Variants in COL6A2 observed in about 807,000 individuals in gnomAD.
COL6A2 encodes collagen alpha-2(VI) chain.
A neutral mutation model predicts 124.9 loss-of-function variants in COL6A2; 90 were observed. The ratio of observed to expected loss-of-function variants is 0.72; its 90% CI spans 0.61 to 0.86. The LOEUF is 0.86. Ranked by LOEUF, COL6A2 falls within the 40% of genes least tolerant of loss-of-function variation. The pLI is 0.00. For missense variants in COL6A2, 1,607 were observed against 1,502.5 expected, an observed-to-expected ratio of 1.07 and a Z score of -1.15; for synonymous variants, 793 against 618.2, an observed-to-expected ratio of 1.28 and a Z score of -4.19.
Position 46,125,309 on chromosome 21 carries a change from G to A in COL6A2, c.1814G>A (p.Cys605Tyr), listed in dbSNP as rs754625748. 3 of 1,611,058 alleles carry A rather than the reference G, an allele frequency of 1.9e-6. No homozygotes were observed. The highest frequency in any genetic ancestry group is 3.3e-5 in the Admixed American group (2 of 59,870). The stretch of plus-strand genomic sequence containing the variant: ...TACGTGAGGGAGACCTGCGGGTGCT[G>A]CGGTGAGGCACTGCCCACGGCAGGG... Reference protein sequence around the residue: ...MTYVRETCGCCDCEKRCGALD... With the variant: ...MTYVRETCGCYDCEKRCGALD... Residue 605 changes from cysteine to tyrosine, a missense_variant and splice_region_variant, in exon 24 of 28, where the codon TGC becomes TAC. Transcript: ENST00000300527.
At chr21:46,107,624 AG>A (rs1368647003) in intron 1 of COL6A2, among the ~76,000 whole-genome samples, 2 of 152,182 alleles carry the variant, frequency 1.3e-5, no homozygotes. Context: ...ATTGTCTCTA[AG>A]GGCAGCCACT....
chr21:46,098,485 G>C (rs1227769153), intron 1 of COL6A2, among the ~76,000 whole-genome samples: 1 of 151,702 alleles, frequency 6.6e-6, no homozygotes, highest in Non-Finnish European at 1.5e-5. Flanking sequence ...GCCCGAGCTC[G>C]GTGCTGGGAC....
chr21:46,121,318 C>T (rs2078562718), intron 17 of COL6A2, among the ~76,000 whole-genome samples, 195 bp downstream of exon 17: 1 of 152,174 alleles, frequency 6.6e-6, no homozygotes, highest in African/African-American at 2.4e-5. Flanking sequence ...CCCCATCCTG[C>T]CCTGAAGGAC....
chr21:46,129,363 A>C, intron 27 of COL6A2: 1 of 1,612,844 alleles, frequency 6.2e-7, no homozygotes, highest in Non-Finnish European at 8.5e-7. Flanking sequence ...GCTGGTCTAC[A>C]CCGCCGAGCG....
rs577166486 is a variant in COL6A2 at position 46,121,311 on chromosome 21, C to G, written c.1458+188C>G. ...ATACCCACCCTCAGCCCCAGCCCCCCATCCTGCCCTGAAGGACCCAGGTTG... is the reference window on the plus strand; with the variant it reads ...ATACCCACCCTCAGCCCCAGCCCCCGATCCTGCCCTGAAGGACCCAGGTTG... On this transcript the variant is annotated intron_variant, in intron 17 of 27. Transcript: ENST00000300527. Among the ~76,000 whole-genome samples the G allele has an allele frequency of 4.6e-5, 7 of 152,324 alleles. No homozygotes were observed. The South Asian group carries it at 1.5e-3, about 32-fold the overall frequency.
At chr21:46,129,002 T>C (rs2078718415) in intron 27 of COL6A2, 4 of 1,606,054 alleles carry the variant, frequency 2.5e-6, no homozygotes, top group Admixed American at 1.7e-5. Context: ...GCCAGCTTCC[T>C]GTCCCTGTGC....
In COL6A2 at chr21:46,119,861, G is replaced by T. The variant is rs915604664; in HGVS notation, c.1332+11G>T. ...CCCAAGGGGGAGAAGGTGAGTCCTC[G>T]TGTGGAGGCAGCCCAGGGTCTCACT... On this transcript the variant is annotated intron_variant, in intron 15 of 27. Coordinates refer to ENST00000300527, the MANE Select transcript of COL6A2 (RefSeq NM_001849.4). The T allele has an allele frequency of 6.4e-7, 1 of 1,555,866 alleles. No homozygotes were observed. The highest frequency in any genetic ancestry group is 1.9e-5 in the Admixed American group (1 of 51,306).
At chr21:46,111,920 CG>C in intron 2 of COL6A2, 58 bp from the exon 3 acceptor site, 1 of 1,538,694 alleles carries the variant, frequency 6.5e-7, no homozygotes. Context: ...GGCCAGGAAA[CG>C]GGGCTCCAAC....
rs59060956 is a variant in COL6A2 at position 46,116,926 on chromosome 21, TACACACACACAC to T, written c.999+131_999+142del. 1.9e-4 allele frequency: 121 copies of T among 639,334 alleles called. No individual in the cohort carries two copies. Among genetic ancestry groups the T allele is most frequent in the Non-Finnish European group, 2.4e-4 (88 of 363,188 alleles). The allele number at this position is 639,334 out of a possible 1,614,324, so 39.6% of individuals were successfully genotyped here. A position where few individuals can be genotyped will look rare whatever the true frequency, so the allele number is the denominator to read the frequency against. On this transcript the variant is annotated intron_variant, in intron 10 of 27. Coordinates refer to ENST00000300527, the MANE Select transcript of COL6A2 (RefSeq NM_001849.4). The surrounding 1 kb of genome is among the most constrained non-coding windows in gnomAD (Gnocchi z 4.6). ...CAGCTTACACATGTGTACACACGCA[TACACACACACAC>T]ACACACACACACACACACGAACTTC...
At chr21:46,119,639 G>T in intron 14 of COL6A2, 149 bp from the exon 15 acceptor site, 1 of 691,096 alleles carries the variant, frequency 1.4e-6, no homozygotes, top group Non-Finnish European at 2.5e-6. Flanking sequence ...TGAGGCTGTT[G>T]GGAAGGAGCC....
chr21:46,125,414 T>C (rs371161707), intron 24 of COL6A2, 51 bp from the exon 25 acceptor site: 1 of 1,610,384 alleles, frequency 6.2e-7, no homozygotes, highest in African/African-American at 1.3e-5. Flanking sequence ...CACGTGACCC[T>C]AGGGTCTGAG....
At chr21:46,121,220 G>A in intron 17 of COL6A2, 97 bp downstream of exon 17, 1 of 1,209,822 alleles carries the variant, frequency 8.3e-7, no homozygotes, top group Non-Finnish European at 1.2e-6. Flanking sequence ...TGTCCCCATA[G>A]CAAACCCAGG....
intron 21 of COL6A2, among the ~76,000 whole-genome samples, chr21:46,123,915 A>T (rs375386261): frequency 1.6e-5 from 2 of 126,190 alleles, no homozygotes; most frequent in Non-Finnish European, 1.8e-5. Context: ...GGGTGGGTGG[A>T]TAGAGGATGG....
chr21:46,111,525 GC>G lies in COL6A2; in HGVS notation c.51del (p.Ile18SerfsTer53). ...SVLLLWGILG[A>X]IQAQQQEVIS... ...GCTCCTGCTCTGGGGAATCCTGGGG[GC>G]CATCCAGGCCCAGCAGCAGGAGGTC... On this transcript the variant is annotated frameshift_variant, in exon 2 of 28. Coordinates refer to ENST00000300527, the MANE Select transcript of COL6A2 (RefSeq NM_001849.4). LOFTEE classifies it high-confidence loss of function. The G allele has an allele frequency of 6.2e-7, 1 of 1,613,028 alleles. No individual in the cohort carries two copies. The highest frequency in any genetic ancestry group is 8.5e-7 in the Non-Finnish European group (1 of 1,179,946).
chr21:46,114,212 G>T, intron 5 of COL6A2, 139 bp downstream of exon 5: 1 of 722,642 alleles, frequency 1.4e-6, no homozygotes. Context: ...GGATCACAAC[G>T]TCAGGAGATC....
intron 27 of COL6A2, among the ~76,000 whole-genome samples, chr21:46,130,918 G>A (rs1432908896): frequency 1.3e-5 from 2 of 152,222 alleles, no homozygotes; most frequent in African/African-American, 2.4e-5. Flanking sequence ...CATGTCTCAA[G>A]CGTTCTGTGA....
rs1168016304 is a variant in COL6A2, at chr21:46,114,035, C to A, written c.763C>A (p.Pro255Thr). The change falls in exon 5 of 28, where the codon CCT (proline) becomes ACT (threonine). Residue 255 changes from proline to threonine, a missense_variant. Pro to Thr is a conservative substitution (Grantham distance 38). Transcript: ENST00000300527. ...ECYKVSCLEI[P>T]GPSGPKGYRG... ...CTACAAGGTGAGCTGCCTGGAAATCCCTGGGCCCTCTGGCCCCAAGGGCTA... is the reference window on the plus strand; with the variant it reads ...CTACAAGGTGAGCTGCCTGGAAATCACTGGGCCCTCTGGCCCCAAGGGCTA... 1.2e-6 allele frequency: 2 copies of A among 1,613,810 alleles called. No individual in the cohort carries two copies. Among genetic ancestry groups the A allele is most frequent in the Admixed American group, 3.3e-5 (2 of 60,018 alleles).
In COL6A2 at chr21:46,125,922, A is replaced by C; in HGVS notation, c.2107A>C (p.Thr703Pro). ...CGAGTGGATTGCGGGCGGCACCTGG[A>C]CACCCTCAGCCCTCAAGTTTGCCTA... ...NLEWIAGGTW[T>P]PSALKFAYDR... The change falls in exon 26 of 28, where the codon ACA (threonine) becomes CCA (proline). Residue 703 changes from threonine (T) to proline (P), a missense_variant. Physicochemically the swap from Thr to Pro is conservative, Grantham distance 38. Around this residue, in one of 3 missense-constraint regions of COL6A2, gnomAD observed 1,223 missense variants for 1,052.2 expected, o/e 1.16. Transcript: ENST00000300527. 1 of 1,613,126 alleles carries C rather than the reference A, an allele frequency of 6.2e-7. No individual in the cohort carries two copies.
Position 46,116,024 on chromosome 21 carries a change from G to C in COL6A2, c.871G>C (p.Glu291Gln). The C allele has an allele frequency of 1.2e-6, 2 of 1,604,836 alleles. No individual in the cohort carries two copies. Among genetic ancestry groups the C allele is most frequent in the African/African-American group, 1.3e-5 (1 of 74,786 alleles). The change falls in exon 7 of 28, where the codon GAA becomes CAA. Residue 291 changes from glutamate to glutamine, a missense_variant. Glu to Gln is a conservative substitution (Grantham distance 29). Transcript: ENST00000300527. This position sits in a 1 kb window ranked among gnomAD's most constrained non-coding sequence, Gnocchi z 4.6. ...TCCTTCACAGGGAGACCCGGGCATCGAAGGCCCCATTGGATTCCCAGGACC... is the reference window on the plus strand; with the variant it reads ...TCCTTCACAGGGAGACCCGGGCATCCAAGGCCCCATTGGATTCCCAGGACC... ...QKGRQGDPGI[E>Q]GPIGFPGPKG...
Sources: allele counts gnomAD v4.1 joint callset (sites outside exome capture counted in the v4.1 genomes callset), GRCh38; gene constraint gnomAD v4.1.1; regional missense constraint gnomAD v4.1.1; non-coding constraint Gnocchi (gnomAD v3.1); transcripts MANE v1.5; gene names NCBI Gene and HGNC (gene_info 2026-07-23, HGNC 2026-07-21).